ODF2: variants seen among roughly 807,000 people sequenced by gnomAD.
The protein encoded by ODF2 is outer dense fiber protein 2.
In ODF2, 47 loss-of-function variants were observed where a neutral mutation model predicts 110.2. The ratio of observed to expected loss-of-function variants is 0.43; its 90% CI spans 0.34 to 0.54. ODF2 has a LOEUF of 0.54. ODF2 is among the 20% of genes least tolerant of loss of function. The pLI is 0.03. For missense variants in ODF2, 812 were observed against 1,054.5 expected, an observed-to-expected ratio of 0.77 and a Z score of 3.19; for synonymous variants, 352 against 397.7, an observed-to-expected ratio of 0.89 and a Z score of 1.37.
At chr9:128,486,184 T>C (rs1843323106) in intron 13 of ODF2, among the ~76,000 whole-genome samples, 1 of 152,138 alleles carries the variant, frequency 6.6e-6, no homozygotes. Context: ...CTCCCTGGAC[T>C]AAGGATAGGT....
At chr9:128,478,472 C>T (rs902991068) in intron 8 of ODF2, among the ~76,000 whole-genome samples, 7 of 148,356 alleles carry the variant, frequency 4.7e-5, no homozygotes, top group African/African-American at 1.8e-4. Flanking sequence ...GCGGTACGCT[C>T]CTGTAGTCCC....
At chr9:128,473,935 C>G (rs1345799538) in intron 8 of ODF2, among the ~76,000 whole-genome samples, 194 bp downstream of exon 8, 1 of 152,130 alleles carries the variant, frequency 6.6e-6, no homozygotes, top group Non-Finnish European at 1.5e-5. Flanking sequence ...TGAATCCAAG[C>G]CAGGCAGCAC....
At chr9:128,484,093 G>C (rs1842931159) in intron 11 of ODF2, 39 bp downstream of exon 11, 1 of 1,455,838 alleles carries the variant, frequency 6.9e-7, no homozygotes. Context: ...GAGGAGGCAA[G>C]GGCCTGCCAA....
rs1229712641 is a variant in ODF2 at position 128,473,156 on chromosome 9, G to T, written c.711+114G>T. 6 of 1,513,720 alleles carry T rather than the reference G, an allele frequency of 4.0e-6. No individual in the cohort carries two copies. The African/African-American group carries it at 5.5e-5, about 14-fold the overall frequency. The allele number at this position is 1,513,720 out of a possible 1,614,324, so 93.8% of individuals were successfully genotyped here. A position where few individuals can be genotyped will look rare whatever the true frequency, so the allele number is the denominator to read the frequency against. On this transcript the variant is annotated intron_variant, in intron 7 of 20. Coordinates refer to ENST00000604420, the Ensembl canonical transcript of ODF2. ...GCAGACTTTATGACATCTTCAGGCT[G>T]GGGGAGAGCACGCTTAACTAGGCCC...
chr9:128,462,081 G>C (rs1160027087), intron 4 of ODF2, among the ~76,000 whole-genome samples: 1 of 150,508 alleles, frequency 6.6e-6, no homozygotes, highest in African/African-American at 2.4e-5. Flanking sequence ...CTTTTTTCTT[G>C]AATGGAAAAA....
Position 128,469,983 on chromosome 9 carries a change from CAAAAAAAAAAAAAAA to C in ODF2, c.420+652_420+666del, listed in dbSNP as rs1187840225. On this transcript the variant is annotated intron_variant, in intron 5 of 20. Transcript: ENST00000604420. Reference sequence around the variant, plus strand: ...TGGGCGACAGAGAGAGTCTCTGTCTCAAAAAAAAAAAAAAAAAAAAAAAAAAAAAAAAAAAATATA... The same window carrying C: ...TGGGCGACAGAGAGAGTCTCTGTCTCAAAAAAAAAAAAAAAAAAAAATATA... Among the ~76,000 whole-genome samples, 8 of 6,364 alleles carry C rather than the reference CAAAAAAAAAAAAAAA, an allele frequency of 1.3e-3. No individual in the cohort carries two copies. In the South Asian group the frequency reaches 0.12, roughly 99 times the overall value. The allele number at this position is 6,364 out of a possible 152,430, so 4.2% of individuals were successfully genotyped here.
In ODF2 at chr9:128,497,446, A is replaced by AATATAT. The variant is rs71381765; in HGVS notation, c.2013-932_2013-927dup. ...ACTAAAAAAAAAAAAAAAAAAAAAAAATATATATATATATATATATATATA... is the reference window on the plus strand; with the variant it reads ...ACTAAAAAAAAAAAAAAAAAAAAAAAATATATATATATATATATATATATATATATA... On this transcript the variant is annotated intron_variant, in intron 18 of 20. Transcript: ENST00000604420. 3.2e-3 allele frequency: 134 copies of AATATAT among 42,532 alleles called. 2 individuals carry two copies. Among genetic ancestry groups the AATATAT allele is most frequent in the Middle Eastern group, 0.026 (1 of 38 alleles). The allele number at this position is 42,532 out of a possible 1,614,324, so 2.6% of individuals were successfully genotyped here. A position where few individuals can be genotyped will look rare whatever the true frequency, so the allele number is the denominator to read the frequency against.
intron 1 of ODF2, chr9:128,457,057 TC>T: frequency 7.7e-7 from 1 of 1,304,960 alleles, no homozygotes; most frequent in Non-Finnish European, 9.9e-7. Flanking sequence ...GCCTCAGGTT[TC>T]CCCCGGTAGC....
At chr9:128,461,796 AAAGT>A (rs1254608001) in intron 4 of ODF2, among the ~76,000 whole-genome samples, 2 of 152,364 alleles carry the variant, frequency 1.3e-5, no homozygotes, top group East Asian at 3.9e-4. Context: ...ATGAAAAACA[AAAGT>A]AACTCCTTGA....
At chr9:128,488,149 C>A in intron 14 of ODF2, 124 bp downstream of exon 14, 2 of 1,161,980 alleles carry the variant, frequency 1.7e-6, no homozygotes, top group South Asian at 1.4e-5. Flanking sequence ...TGGATTTGAC[C>A]AGGCATGGTG....
At chr9:128,473,277 C>G in intron 7 of ODF2, 1 of 982,948 alleles carries the variant, frequency 1.0e-6, no homozygotes, top group Non-Finnish European at 1.2e-6. Context: ...CTCCTGGGAT[C>G]ACAGTGAGTC....
At chr9:128,484,881 G>A in exon 12 of ODF2, 1 of 1,613,450 alleles carries the variant, frequency 6.2e-7, no homozygotes, top group Non-Finnish European at 8.5e-7. Flanking sequence ...GCAACTCGCT[G>A]ACAAGGTCGC....
At chr9:128,496,363 C>A in intron 18 of ODF2, 1 of 1,398,508 alleles carries the variant, frequency 7.2e-7, no homozygotes, top group Non-Finnish European at 9.4e-7. Context: ...ACAGCATGAT[C>A]AGGATCTGCC....
At chr9:128,480,824 ATAAAAAAAAT>A (rs11278739) in intron 8 of ODF2, among the ~76,000 whole-genome samples, 97,313 of 151,456 alleles carry the variant, frequency 0.64, 33,890 homozygotes, top group Non-Finnish European at 0.78. Flanking sequence ...TCTCTAAAAA[ATAAAAAAAAT>A]TAAAAAAAAT....
chr9:128,487,829 ACAC>A (rs2132115676), intron 13 of ODF2, 58 bp from the exon 14 acceptor site: 3 of 1,586,022 alleles, frequency 1.9e-6, no homozygotes, highest in Non-Finnish European at 2.6e-6. Flanking sequence ...ACACACACAC[ACAC>A]ACAAACAAAC....
chr9:128,489,006 CA>C (rs1843989019), intron 14 of ODF2, among the ~76,000 whole-genome samples: 1 of 152,050 alleles, frequency 6.6e-6, no homozygotes, highest in African/African-American at 2.4e-5. Flanking sequence ...AACTCCGTCT[CA>C]AAAGAAAAGA....
intron 4 of ODF2, 22 bp from the exon 5 acceptor site, chr9:128,469,161 G>C (rs375869656): frequency 1.2e-6 from 2 of 1,610,232 alleles, no homozygotes; most frequent in Non-Finnish European, 8.5e-7. Flanking sequence ...GAGTTCATGT[G>C]TTTCTCCCTC....
intron 14 of ODF2, among the ~76,000 whole-genome samples, chr9:128,489,721 T>C (rs2132159333): frequency 6.6e-6 from 1 of 152,338 alleles, no homozygotes; most frequent in Admixed American, 6.5e-5. Context: ...GCGTCTTTAT[T>C]GTTTATATAC....
At chr9:128,479,311 C>A (rs1841975021) in intron 8 of ODF2, among the ~76,000 whole-genome samples, 1 of 152,174 alleles carries the variant, frequency 6.6e-6, no homozygotes, top group African/African-American at 2.4e-5. Context: ...TAGGGACAGT[C>A]ACAAAGACAT....
Sources: gnomAD v4.1 joint callset for allele counts (sites outside exome capture counted in the v4.1 genomes callset) on GRCh38, gnomAD v4.1.1 for gene constraint, MANE v1.5 for transcripts, NCBI Gene and HGNC (gene_info 2026-07-23, HGNC 2026-07-21) for gene names.